The following DLGAP2 variants were observed in gnomAD, a reference collection of about 807,000 sequenced individuals.
The protein encoded by DLGAP2 is DLG associated protein 2.
A neutral mutation model predicts 100.3 loss-of-function variants in DLGAP2; 26 were observed. That is an observed-to-expected ratio of 0.26 (90% confidence interval 0.19 to 0.36). The LOEUF is 0.36. Ranked by LOEUF, DLGAP2 falls within the 10% of genes least tolerant of loss-of-function variation. The pLI, the probability that DLGAP2 is intolerant of heterozygous loss-of-function variation, is 1.00. For synonymous variants in DLGAP2, 886 were observed against 630.1 expected, an observed-to-expected ratio of 1.41 and a Z score of -6.08; for missense variants, 1,858 against 1,453.2, an observed-to-expected ratio of 1.28 and a Z score of -4.53.
intron 1 of DLGAP2, among the ~76,000 whole-genome samples, chr8:840,058 C>T (rs1346061473): frequency 3.2e-4 from 12 of 37,154 alleles, no homozygotes; most frequent in East Asian, 7.5e-4. Context: ...GCCTGCACGT[C>T]TCCCCACACT....
At chr8:1,343,155 A>T (rs777789509) in intron 3 of DLGAP2, among the ~76,000 whole-genome samples, 1 of 152,242 alleles carries the variant, frequency 6.6e-6, no homozygotes, top group African/African-American at 2.4e-5. Context: ...CTGGAGGCTC[A>T]GGATATGCCA....
chr8:798,830 G>A (rs4075378), intron 1 of DLGAP2, among the ~76,000 whole-genome samples: 36,495 of 114,216 alleles, frequency 0.32, 5,664 homozygotes, highest in African/African-American at 0.51. Context: ...TTCCGTTGGC[G>A]CTGAAAGCAA....
intron 1 of DLGAP2, among the ~76,000 whole-genome samples, chr8:827,509 A>G (rs1285289638): frequency 1.3e-5 from 2 of 152,358 alleles, no homozygotes; most frequent in South Asian, 2.1e-4. Flanking sequence ...TTACGTGTAT[A>G]ACGCTTTCTT....
intron 3 of DLGAP2, among the ~76,000 whole-genome samples, chr8:1,286,133 C>A (rs1451604234): frequency 6.6e-6 from 1 of 152,078 alleles, no homozygotes; most frequent in Non-Finnish European, 1.5e-5. Context: ...GTGGTTTCTG[C>A]CATGCTGGTC....
chr8:1,081,455 G>T lies in DLGAP2; in HGVS notation c.73+173489G>T, dbSNP rs142488013. 5.7e-3 allele frequency among the ~76,000 whole-genome samples: 864 copies of T among 152,260 alleles called. 12 individuals are homozygous for T. The highest frequency in any genetic ancestry group is 0.019 in the African/African-American group (801 of 41,552). Reference sequence around the variant, plus strand: ...CAACCTTCACCTCCCAGGTTCAAGCGATTCTCCTGCCTCAGCCTCCCTAGT... The same window carrying T: ...CAACCTTCACCTCCCAGGTTCAAGCTATTCTCCTGCCTCAGCCTCCCTAGT... On this transcript the variant is annotated intron_variant, in intron 2 of 14. Coordinates refer to ENST00000637795, the MANE Select transcript of DLGAP2 (RefSeq NM_001346810.2).
At chr8:872,183 G>A (rs1797611347) in intron 1 of DLGAP2, among the ~76,000 whole-genome samples, 1 of 151,882 alleles carries the variant, frequency 6.6e-6, no homozygotes, top group Admixed American at 6.6e-5. Flanking sequence ...TTTATTCTAA[G>A]GTTCATTTTT....
Position 855,109 on chromosome 8 carries a change from C to T in DLGAP2, c.19-52803C>T, listed in dbSNP as rs185187468. ...AGCAGGTCCTTGAGTCTGGGATGTG[C>T]GATTGGGTTGCTGTGTGCAGCGTCT... is the stretch of plus-strand genomic sequence containing the variant. On this transcript the variant is annotated intron_variant, in intron 1 of 14. Coordinates refer to ENST00000637795, the MANE Select transcript of DLGAP2 (RefSeq NM_001346810.2). Among the ~76,000 whole-genome samples, 13 of 152,148 alleles carry T rather than the reference C, an allele frequency of 8.5e-5. No individual in the cohort carries two copies. The East Asian group carries it at 2.1e-3, about 25-fold the overall frequency.
chr8:1,464,707 T>C (rs1798573188), intron 3 of DLGAP2, among the ~76,000 whole-genome samples: 1 of 152,190 alleles, frequency 6.6e-6, no homozygotes, highest in African/African-American at 2.4e-5. Flanking sequence ...TCACCTTTCA[T>C]TCTCCATGCT....
At chr8:825,442 T>G (rs1234791458) in intron 1 of DLGAP2, among the ~76,000 whole-genome samples, 2 of 152,206 alleles carry the variant, frequency 1.3e-5, no homozygotes, top group Non-Finnish European at 2.9e-5. Flanking sequence ...CAGCCGCACT[T>G]CCTTCCAGCG....
At chr8:1,246,898 C>CCGG (rs1249892325) in intron 2 of DLGAP2, 9 of 131,688 alleles carry the variant, frequency 6.8e-5, no homozygotes, top group African/African-American at 2.8e-4. Flanking sequence ...ATGTTGGTGT[C>CCGG]CAGCAAGACC....
At chr8:841,833 T>C (rs1336328612) in intron 1 of DLGAP2, among the ~76,000 whole-genome samples, 3 of 152,240 alleles carry the variant, frequency 2.0e-5, no homozygotes, top group Non-Finnish European at 4.4e-5. Context: ...CTTTTTACTA[T>C]GGCTATTTCA....
intron 2 of DLGAP2, among the ~76,000 whole-genome samples, chr8:1,056,112 T>C (rs1802875639): frequency 6.6e-6 from 1 of 152,208 alleles, no homozygotes; most frequent in Non-Finnish European, 1.5e-5. Flanking sequence ...CCTCAGGCAA[T>C]TCAGTGTAAC....
At chr8:819,950 G>T (rs1230818892) in intron 1 of DLGAP2, among the ~76,000 whole-genome samples, 1 of 152,152 alleles carries the variant, frequency 6.6e-6, no homozygotes, top group Non-Finnish European at 1.5e-5. Context: ...TGGTAATGAA[G>T]TTAACCTATA....
intron 3 of DLGAP2, among the ~76,000 whole-genome samples, chr8:1,292,142 C>G (rs747170933): frequency 1.3e-5 from 2 of 152,204 alleles, no homozygotes; most frequent in Non-Finnish European, 2.9e-5. Context: ...ACCCTGGACA[C>G]CCTCCAGAAT....
chr8:909,035 A>G (rs565934401), intron 2 of DLGAP2, among the ~76,000 whole-genome samples: 1 of 152,324 alleles, frequency 6.6e-6, no homozygotes, highest in South Asian at 2.1e-4. Context: ...GTATTGAGAA[A>G]AATACAATCT....
At chr8:1,563,347 GTGTCCGCGCCTCA>G (rs776264074) in intron 5 of DLGAP2, among the ~76,000 whole-genome samples, 241 of 42,238 alleles carry the variant, frequency 5.7e-3, no homozygotes, top group South Asian at 0.011. Flanking sequence ...TGGTTTTGGG[GTGTCCGCGCCTCA>G]TTACTGGGGG....
intron 2 of DLGAP2, among the ~76,000 whole-genome samples, chr8:1,188,313 T>C (rs866401632): frequency 0.014 from 828 of 60,050 alleles, 17 homozygotes; most frequent in African/African-American, 0.044. Context: ...CGCCCGGGAC[T>C]TCCGTGACGT....
chr8:1,309,423 A>G (rs559311809), intron 3 of DLGAP2, among the ~76,000 whole-genome samples: 2 of 152,322 alleles, frequency 1.3e-5, no homozygotes, highest in African/African-American at 2.4e-5. Context: ...TGATTTCTCT[A>G]GAAACCATGG....
At chr8:1,499,246 G>T (rs1271512230) in intron 3 of DLGAP2, among the ~76,000 whole-genome samples, 1 of 152,222 alleles carries the variant, frequency 6.6e-6, no homozygotes, top group Non-Finnish European at 1.5e-5. Context: ...TGCTGGTGTT[G>T]TTAGCGGAGT....
Sources: allele counts gnomAD v4.1 joint callset (sites outside exome capture counted in the v4.1 genomes callset), GRCh38; gene constraint gnomAD v4.1.1; transcripts MANE v1.5; gene names NCBI Gene and HGNC (gene_info 2026-07-23, HGNC 2026-07-21).